RBPJ: variants seen among roughly 807,000 people sequenced by gnomAD.
The protein encoded by RBPJ is recombining binding protein suppressor of hairless.
RBPJ carries 9 observed loss-of-function variants against 67.8 expected under a neutral mutation model. The observed-to-expected ratio is 0.13, with a 90% confidence interval of 0.08 to 0.23. RBPJ has a LOEUF of 0.23. RBPJ is among the 10% of genes least tolerant of loss of function. The pLI is 1.00. For synonymous variants in RBPJ, 198 were observed against 203.3 expected (o/e 0.97, Z 0.22); for missense variants, 305 against 595.6 (o/e 0.51, Z 5.08).
At chr4:26,231,805 TC>T (rs1298138756) in intron 1 of RBPJ, among the ~76,000 whole-genome samples, 1 of 152,086 alleles carries the variant, frequency 6.6e-6, no homozygotes, top group Non-Finnish European at 1.5e-5. Context: ...CGCCTCAGCC[TC>T]CCAAAATGCT....
chr4:26,218,753 T>C (rs2109187765), intron 1 of RBPJ, among the ~76,000 whole-genome samples: 1 of 152,090 alleles, frequency 6.6e-6, no homozygotes, highest in Middle Eastern at 3.4e-3. Flanking sequence ...TTAACCCTCA[T>C]CATGGCAGGA....
chr4:26,215,400 A>AG (rs112269466), intron 1 of RBPJ, among the ~76,000 whole-genome samples: 15 of 22,374 alleles, frequency 6.7e-4, no homozygotes, highest in East Asian at 6.2e-3. Flanking sequence ...AGAGGAAGGA[A>AG]GGGGGGGGAA....
intron 1 of RBPJ, among the ~76,000 whole-genome samples, chr4:26,358,200 C>T (rs188758184): frequency 2.1e-4 from 32 of 152,052 alleles, no homozygotes; most frequent in African/African-American, 7.2e-4. Flanking sequence ...TTACAGAAGA[C>T]CATACGTTGT....
intron 1 of RBPJ, among the ~76,000 whole-genome samples, chr4:26,252,549 G>T (rs1720149501): frequency 6.6e-6 from 1 of 152,154 alleles, no homozygotes; most frequent in Non-Finnish European, 1.5e-5. Flanking sequence ...TTGTGTCATT[G>T]CATTCCAACC....
At position 26,361,058 on chromosome 4, in the gene RBPJ, C is replaced by CGT. The variant is rs55870302; in HGVS notation, c.21-25274_21-25273dup. 2.1e-3 allele frequency among the ~76,000 whole-genome samples: 312 copies of CGT among 148,760 alleles called. 2 individuals are homozygous for CGT. Among genetic ancestry groups the CGT allele is most frequent in the African/African-American group, 4.3e-3 (173 of 40,214 alleles). On this transcript the variant is annotated intron_variant, in intron 1 of 10. Transcript: ENST00000355476. ...ATCCTTTCAGGAGTGAGTGTGTGTG[C>CGT]GTGTGTGTGTGTGTGTGTGTGTCAC...
At chr4:26,429,753 C>T in intron 8 of RBPJ, 145 bp from the exon 9 acceptor site, 1 of 674,126 alleles carries the variant, frequency 1.5e-6, no homozygotes, top group Non-Finnish European at 2.5e-6. Flanking sequence ...TAGGGATTGG[C>T]AAAGCACCAT....
chr4:26,133,759 A>T, the RBPJ span, among the ~76,000 whole-genome samples: 1 of 148,850 alleles, frequency 6.7e-6, no homozygotes, highest in Non-Finnish European at 1.5e-5. Context: ...CTATGGAAAA[A>T]TTGTCTTCTA....
At chr4:26,414,493 G>C (rs766727148) in intron 3 of RBPJ, among the ~76,000 whole-genome samples, 1 of 152,062 alleles carries the variant, frequency 6.6e-6, no homozygotes, top group Admixed American at 6.6e-5. Flanking sequence ...TATTGTACGC[G>C]CCGTTCACCC....
At chr4:26,230,976 TC>T (rs908905641) in intron 1 of RBPJ, among the ~76,000 whole-genome samples, 3 of 152,016 alleles carry the variant, frequency 2.0e-5, no homozygotes, top group African/African-American at 7.3e-5. Context: ...AATAAACCCC[TC>T]CCCCAGGCTC....
chr4:26,186,788 T>C (rs759557031), intron 1 of RBPJ, among the ~76,000 whole-genome samples: 31 of 152,336 alleles, frequency 2.0e-4, no homozygotes, highest in African/African-American at 7.0e-4. Flanking sequence ...CTATTTAAGA[T>C]TAAATGATTA....
chr4:26,325,004 G>C (rs1723471279), intron 1 of RBPJ, among the ~76,000 whole-genome samples: 1 of 152,092 alleles, frequency 6.6e-6, no homozygotes, highest in African/African-American at 2.4e-5. Context: ...TTGACTCTTG[G>C]CCTTAGAAAA....
intron 1 of RBPJ, among the ~76,000 whole-genome samples, chr4:26,328,393 G>A (rs1406203826): frequency 6.6e-6 from 1 of 152,150 alleles, no homozygotes; most frequent in Non-Finnish European, 1.5e-5. Context: ...GAAATGGTTT[G>A]GTGAAGCTCA....
intron 1 of RBPJ, among the ~76,000 whole-genome samples, chr4:26,346,152 C>T (rs942245115): frequency 6.6e-6 from 1 of 152,030 alleles, no homozygotes; most frequent in Non-Finnish European, 1.5e-5. Context: ...CATCTCACTC[C>T]CAAAAAATTT....
In RBPJ at chr4:26,406,294, A is replaced by T. The variant is rs774001905; in HGVS notation, c.155+24A>T. On this transcript the variant is annotated intron_variant, in intron 3 of 10. Coordinates refer to ENST00000355476, the MANE Select transcript of RBPJ (RefSeq NM_015874.6). Reference sequence around the variant, plus strand: ...AGGTAAGATTATTTTTCTGGTGGATAGTTAATTGTAGTTACCACATGAATT... The same window carrying T: ...AGGTAAGATTATTTTTCTGGTGGATTGTTAATTGTAGTTACCACATGAATT... 2.1e-6 allele frequency: 3 copies of T among 1,417,854 alleles called. No homozygotes were observed. The Admixed American group carries it at 5.0e-5, about 24-fold the overall frequency. The allele number at this position is 1,417,854 out of a possible 1,614,324, so 87.8% of individuals were successfully genotyped here.
intron 1 of RBPJ, among the ~76,000 whole-genome samples, chr4:26,296,666 C>A (rs79260345): frequency 0.078 from 11,852 of 152,138 alleles, 621 homozygotes; most frequent in African/African-American, 0.15. Context: ...GAATAGTTTT[C>A]TTTGTACCTA....
intron 1 of RBPJ, among the ~76,000 whole-genome samples, chr4:26,339,572 T>C (rs1725275325): frequency 6.6e-6 from 1 of 152,182 alleles, no homozygotes; most frequent in African/African-American, 2.4e-5. Flanking sequence ...AGGCGGAGTT[T>C]GCAGTGAGCT....
At chr4:26,231,515 G>A (rs1262944876) in intron 1 of RBPJ, among the ~76,000 whole-genome samples, 2 of 151,068 alleles carry the variant, frequency 1.3e-5, no homozygotes, top group Admixed American at 6.6e-5. Flanking sequence ...AGGTTCAAGC[G>A]ATTCTCCTGC....
chr4:26,191,635 A>G (rs932765740), intron 1 of RBPJ, among the ~76,000 whole-genome samples: 2 of 152,242 alleles, frequency 1.3e-5, no homozygotes, highest in Non-Finnish European at 2.9e-5. Context: ...CAGCCGAGTC[A>G]TGCAAGACCC....
chr4:26,275,357 C>T (rs1028809692), intron 1 of RBPJ, among the ~76,000 whole-genome samples: 2 of 152,134 alleles, frequency 1.3e-5, no homozygotes, highest in Non-Finnish European at 2.9e-5. Flanking sequence ...GTTCTGGGCT[C>T]CTATGGGTAA....
Sources: allele counts gnomAD v4.1 joint callset (sites outside exome capture counted in the v4.1 genomes callset), GRCh38; gene constraint gnomAD v4.1.1; transcripts MANE v1.5; gene names NCBI Gene and HGNC (gene_info 2026-07-23, HGNC 2026-07-21).